KIF27: variants seen among roughly 807,000 people sequenced by gnomAD.
KIF27 encodes kinesin family member 27.
A neutral mutation model predicts 141.8 loss-of-function variants in KIF27; 84 were observed. That is an observed-to-expected ratio of 0.59 (90% CI 0.50 to 0.71). KIF27 has a LOEUF of 0.71. Among genes scored for constraint, KIF27 ranks in the 30% least tolerant of loss-of-function variants. KIF27 has a pLI of 0.00. For missense variants in KIF27, 1,306 were observed against 1,628.4 expected (o/e 0.80, Z 3.41); for synonymous variants, 471 against 569.5 (o/e 0.83, Z 2.46).
Position 83,853,780 on chromosome 9 carries a change from A to G in KIF27, c.3206T>C (p.Ile1069Thr), listed in dbSNP as rs371974528. 10 of 1,613,644 alleles carry G rather than the reference A, an allele frequency of 6.2e-6. No individual in the cohort carries two copies. Among genetic ancestry groups the G allele is most frequent in the Admixed American group, 3.3e-5 (2 of 60,000 alleles). Residue 1069 changes from isoleucine (I) to threonine (T), a missense_variant, in exon 15 of 18, where the codon ATT becomes ACT. Coordinates refer to ENST00000297814, the MANE Select transcript of KIF27 (RefSeq NM_017576.4). ...CTGGATACTTTCATTCCTGTATTCAATTGCAGCTTCCAAAGCTTCAATCCC... is the reference window on the plus strand; with the variant it reads ...CTGGATACTTTCATTCCTGTATTCAGTTGCAGCTTCCAAAGCTTCAATCCC... Reference protein sequence around the residue: ...EEGIEALEAAIEYRNESIQNR... With the variant: ...EEGIEALEAATEYRNESIQNR...
chr9:83,861,897 T>C (rs1283982975), intron 13 of KIF27, among the ~76,000 whole-genome samples: 1 of 151,472 alleles, frequency 6.6e-6, no homozygotes, highest in African/African-American at 2.4e-5. Flanking sequence ...GGTATCTCAT[T>C]GTGGTTTTGA....
At chr9:83,894,485 C>T (rs1952980832) in intron 5 of KIF27, among the ~76,000 whole-genome samples, 2 of 152,184 alleles carry the variant, frequency 1.3e-5, no homozygotes, top group African/African-American at 4.8e-5. Flanking sequence ...ACTCACTGTG[C>T]TCAACTGTTT....
At chr9:83,866,949 C>G (rs1276420750) in intron 13 of KIF27, among the ~76,000 whole-genome samples, 2 of 118,486 alleles carry the variant, frequency 1.7e-5, no homozygotes, top group Non-Finnish European at 1.9e-5. Flanking sequence ...ATTTTATTCA[C>G]CCCCCCCCCA....
At chr9:83,882,786 T>C (rs531761307) in intron 10 of KIF27, among the ~76,000 whole-genome samples, 2 of 152,330 alleles carry the variant, frequency 1.3e-5, no homozygotes, top group Admixed American at 1.3e-4. Flanking sequence ...GAAATAACTA[T>C]GCTGAAGGAA....
chr9:83,897,300 T>C (rs1312230766), intron 5 of KIF27, among the ~76,000 whole-genome samples: 2 of 152,050 alleles, frequency 1.3e-5, no homozygotes, highest in East Asian at 3.9e-4. Flanking sequence ...GGCCAAGAAA[T>C]AGACAAGAGA....
intron 11 of KIF27, among the ~76,000 whole-genome samples, chr9:83,877,310 T>G (rs1951280048): frequency 6.6e-6 from 1 of 152,180 alleles, no homozygotes; most frequent in Admixed American, 6.5e-5. Flanking sequence ...AACTGCAACT[T>G]TGTACCATTT....
At chr9:83,881,652 G>A (rs1487748785) in intron 10 of KIF27, among the ~76,000 whole-genome samples, 5 of 152,378 alleles carry the variant, frequency 3.3e-5, no homozygotes, top group Non-Finnish European at 7.3e-5. Flanking sequence ...ACAATCGGCA[G>A]ATGGACTACT....
intron 1 of KIF27, among the ~76,000 whole-genome samples, chr9:83,918,844 G>C (rs895443801): frequency 6.6e-6 from 1 of 152,162 alleles, no homozygotes; most frequent in East Asian, 1.9e-4. Context: ...GGGAGGCCGA[G>C]GTGGGAGGAT....
intron 11 of KIF27, among the ~76,000 whole-genome samples, chr9:83,874,091 T>G (rs894758640): frequency 6.6e-6 from 1 of 152,080 alleles, no homozygotes; most frequent in Non-Finnish European, 1.5e-5. Flanking sequence ...AATTCCCTCT[T>G]CCACATGTTG....
At chr9:83,916,114 C>T (rs534867266) in intron 1 of KIF27, among the ~76,000 whole-genome samples, 2 of 147,884 alleles carry the variant, frequency 1.4e-5, no homozygotes, top group East Asian at 2.0e-4. Flanking sequence ...TCTCTGCAAC[C>T]TCTGCCTACC....
intron 11 of KIF27, among the ~76,000 whole-genome samples, chr9:83,870,897 T>C (rs548197171): frequency 2.0e-4 from 30 of 151,944 alleles, no homozygotes; most frequent in African/African-American, 7.2e-4. Context: ...AAGAAAATAA[T>C]GTGTGGATTT....
At position 83,899,914 on chromosome 9, in the gene KIF27, A is replaced by G. The variant is rs372843448; in HGVS notation, c.1459-110T>C. On this transcript the variant is annotated intron_variant, in intron 4 of 17. Transcript: ENST00000297814. ...ATTATAGCTTGATGATGTCTCATAA[A>G]TTTTTTTTCATTTTCAACTTTTTCT... 1.5e-4 allele frequency: 126 copies of G among 831,528 alleles called. 1 individual carries two copies. In the East Asian group the frequency reaches 2.5e-3, roughly 16 times the overall value. The allele number at this position is 831,528 out of a possible 1,614,324, so 51.5% of individuals were successfully genotyped here.
chr9:83,908,613 G>C lies in KIF27; in HGVS notation c.338C>G (p.Ala113Gly), dbSNP rs1276762658. Residue 113 changes from alanine (A) to glycine (G), a missense_variant, in exon 3 of 18, where the codon GCT (alanine) becomes GGT (glycine). This residue lies in a region of KIF27 where 533 missense variants were observed against 565.6 expected (regional missense o/e 0.94). Coordinates refer to ENST00000297814, the MANE Select transcript of KIF27 (RefSeq NM_017576.4). ...GATGCTTTGAAATATTTCTTGAATA[G>C]CTCGAGGAATGATACCCTTTTGGCC... ...VEGQKGIIPRAIQEIFQSISE... is the reference protein window; with the variant it reads ...VEGQKGIIPRGIQEIFQSISE... 1.2e-6 allele frequency: 2 copies of C among 1,611,900 alleles called. No individual in the cohort carries two copies. Among genetic ancestry groups the C allele is most frequent in the Non-Finnish European group, 8.5e-7 (1 of 1,178,850 alleles).
At chr9:83,886,057 CCA>C (rs1195274351) in intron 9 of KIF27, among the ~76,000 whole-genome samples, 2 of 151,882 alleles carry the variant, frequency 1.3e-5, no homozygotes, top group East Asian at 3.9e-4. Context: ...CATCCTAGCT[CCA>C]GTTATGCAGA....
At chr9:83,871,141 A>G (rs1046821339) in intron 11 of KIF27, among the ~76,000 whole-genome samples, 8 of 151,898 alleles carry the variant, frequency 5.3e-5, no homozygotes, top group African/African-American at 1.9e-4. Flanking sequence ...GTCTCTAGTG[A>G]TCTTCCTGGC....
intron 10 of KIF27, among the ~76,000 whole-genome samples, chr9:83,883,240 C>G (rs1392092664): frequency 6.6e-6 from 1 of 152,172 alleles, no homozygotes; most frequent in Non-Finnish European, 1.5e-5. Context: ...TAACAAAGCA[C>G]TGTGACTATC....
intron 13 of KIF27, among the ~76,000 whole-genome samples, chr9:83,865,641 A>C (rs1194415143): frequency 1.3e-5 from 2 of 152,070 alleles, no homozygotes; most frequent in East Asian, 1.9e-4. Flanking sequence ...TCATGTTTTT[A>C]ATAACTTGTA....
At chr9:83,839,061 G>A (rs1427105986) in intron 17 of KIF27, among the ~76,000 whole-genome samples, 1 of 152,128 alleles carries the variant, frequency 6.6e-6, no homozygotes, top group East Asian at 1.9e-4. Context: ...TTGAGAGGCT[G>A]AGGTGGGAGG....
At chr9:83,852,908 G>A (rs1948776427) in intron 15 of KIF27, among the ~76,000 whole-genome samples, 1 of 152,110 alleles carries the variant, frequency 6.6e-6, no homozygotes, top group Non-Finnish European at 1.5e-5. Context: ...CCTGGCCTTA[G>A]GACTTTATTT....
Sources: allele counts gnomAD v4.1 joint callset (sites outside exome capture counted in the v4.1 genomes callset), GRCh38; gene constraint gnomAD v4.1.1; regional missense constraint gnomAD v4.1.1; transcripts MANE v1.5; gene names NCBI Gene and HGNC (gene_info 2026-07-23, HGNC 2026-07-21).